LY75: variants seen among roughly 807,000 people sequenced by gnomAD.
LY75 encodes C-type lectin domain family 13 member B.
In LY75, 185 loss-of-function variants were observed where a neutral mutation model predicts 231.7. The ratio of observed to expected loss-of-function variants is 0.80; its 90% CI spans 0.71 to 0.90. LY75 has a LOEUF of 0.90. LY75 is among the 40% of genes least tolerant of loss of function. The pLI is 0.00. For synonymous variants in LY75, 668 were observed against 689.0 expected (o/e 0.97, Z 0.48); for missense variants, 1,947 against 2,050.2 (o/e 0.95, Z 0.97).
intron 33 of LY75, 127 bp from the exon 34 acceptor site, chr2:159,807,267 T>A: frequency 8.7e-7 from 1 of 1,143,230 alleles, no homozygotes; most frequent in African/African-American, 1.6e-5. Flanking sequence ...ATAAAATGCA[T>A]TAAAAATGAA....
In LY75 at chr2:159,817,023, T is replaced by C; in HGVS notation, c.4163A>G (p.Lys1388Arg). 1 of 1,605,012 alleles carries C rather than the reference T, an allele frequency of 6.2e-7. No homozygotes were observed. The highest frequency in any genetic ancestry group is 8.5e-7 in the Non-Finnish European group (1 of 1,175,612). Reference protein sequence around the residue: ...LACKIEMVDYKEEYNTTLPQF... With the variant: ...LACKIEMVDYREEYNTTLPQF... Reference sequence around the variant, plus strand: ...TGGCAGTGTAGTATTATATTCTTCTTTGTAGTCAACTATAATAATTAAAAG... The same window carrying C: ...TGGCAGTGTAGTATTATATTCTTCTCTGTAGTCAACTATAATAATTAAAAG... Residue 1388 changes from lysine to arginine, a missense_variant, in exon 30 of 35, where the codon AAA (lysine) becomes AGA (arginine). Lys to Arg is a conservative substitution (Grantham distance 26). Transcript: ENST00000263636.
Position 159,874,084 on chromosome 2 carries a change from G to GTATATATTTTGTAAAAATATAAACATA in LY75, c.1974+1359_1974+1360insTATGTTTATATTTTTACAAAATATATA, listed in dbSNP as rs1553809698. On this transcript the variant is annotated intron_variant, in intron 12 of 34. Transcript: ENST00000263636. Reference sequence around the variant, plus strand: ...ATATATTTTGTAAAAATATATAAACGTATATATTTTGTAAATATATAAACG... The same window carrying GTATATATTTTGTAAAAATATAAACATA: ...ATATATTTTGTAAAAATATATAAACGTATATATTTTGTAAAAATATAAACATATATATATTTTGTAAATATATAAACG... Among the ~76,000 whole-genome samples the GTATATATTTTGTAAAAATATAAACATA allele has an allele frequency of 1.1e-3, 7 of 6,468 alleles. No homozygotes were observed. In the East Asian group the frequency reaches 0.064, roughly 59 times the overall value. The allele number at this position is 6,468 out of a possible 152,430, so 4.2% of individuals were successfully genotyped here.
At chr2:159,815,622 A>G in intron 30 of LY75, 49 bp from the exon 31 acceptor site, 2 of 1,570,582 alleles carry the variant, frequency 1.3e-6, no homozygotes, top group Non-Finnish European at 1.7e-6. Flanking sequence ...TTTGACTTCA[A>G]AAAGAATACA....
chr2:159,860,721 C>T, intron 15 of LY75, 100 bp downstream of exon 15: 1 of 1,420,792 alleles, frequency 7.0e-7, no homozygotes, highest in Non-Finnish European at 9.8e-7. Flanking sequence ...CATCTAACAT[C>T]ATGCTTCACA....
chr2:159,891,478 C>T (rs1282489725), intron 3 of LY75, among the ~76,000 whole-genome samples: 1 of 152,176 alleles, frequency 6.6e-6, no homozygotes, highest in East Asian at 1.9e-4. Flanking sequence ...CTTGTAAATC[C>T]AGAAGCTTCC....
chr2:159,864,792 A>G, intron 14 of LY75, 47 bp downstream of exon 14: 1 of 1,469,368 alleles, frequency 6.8e-7, no homozygotes, highest in Non-Finnish European at 9.1e-7. Context: ...TGTTATTGAA[A>G]CAAACAGTGT....
In LY75 at chr2:159,898,680, A is replaced by C; in HGVS notation, c.466+8T>G. 2 of 1,607,610 alleles carry C rather than the reference A, an allele frequency of 1.2e-6. No homozygotes were observed. The highest frequency in any genetic ancestry group is 8.5e-7 in the Non-Finnish European group (1 of 1,175,216). The stretch of plus-strand genomic sequence containing the variant: ...GCAAATCGGTCAAAGTCCCTCTCTA[A>C]TACTCACCATGATAAGGCTGGTCAC... On this transcript the variant is annotated splice_region_variant and intron_variant, in intron 2 of 34. Coordinates refer to ENST00000263636, the MANE Select transcript of LY75 (RefSeq NM_002349.4).
At chr2:159,890,509 T>C in intron 3 of LY75, 132 bp from the exon 4 acceptor site, 1 of 1,237,518 alleles carries the variant, frequency 8.1e-7, no homozygotes, top group Non-Finnish European at 1.1e-6. Flanking sequence ...CCATCACTCA[T>C]TTAGACCATA....
intron 14 of LY75, among the ~76,000 whole-genome samples, chr2:159,863,673 T>C (rs1684778388): frequency 6.6e-6 from 1 of 152,186 alleles, no homozygotes; most frequent in African/African-American, 2.4e-5. Flanking sequence ...TTGTTTGAGT[T>C]CCTTATCTAC....
intron 2 of LY75, among the ~76,000 whole-genome samples, chr2:159,897,848 T>C (rs576358406): frequency 4.1e-4 from 62 of 152,320 alleles, no homozygotes; most frequent in African/African-American, 1.4e-3. Context: ...TACTCATTCT[T>C]TAACTTAGAA....
intron 25 of LY75, among the ~76,000 whole-genome samples, chr2:159,838,330 A>C (rs1683897736): frequency 6.6e-6 from 1 of 152,208 alleles, no homozygotes; most frequent in African/African-American, 2.4e-5. Context: ...TAAGGGTGAA[A>C]GGGAAAAGAG....
At chr2:159,822,066 C>A (rs529907103) in intron 28 of LY75, among the ~76,000 whole-genome samples, 1 of 152,350 alleles carries the variant, frequency 6.6e-6, no homozygotes, top group East Asian at 1.9e-4. Context: ...GTGCCTACCC[C>A]ACCAGGGCCC....
At chr2:159,846,559 G>C (rs1684209490) in intron 23 of LY75, among the ~76,000 whole-genome samples, 1 of 151,806 alleles carries the variant, frequency 6.6e-6, no homozygotes, top group Non-Finnish European at 1.5e-5. Flanking sequence ...AACAAAACTA[G>C]AAGAAAATAT....
rs1460968651 is a variant in LY75, at chr2:159,807,698, T to C, written c.4823-558A>G. ...ATTTAGATGGACAACTTGGAATCCT[T>C]TTATTTTTTGACAAGTACTTAACAT... On this transcript the variant is annotated intron_variant, in intron 33 of 34. Coordinates refer to ENST00000263636, the MANE Select transcript of LY75 (RefSeq NM_002349.4). 4 of 975,684 alleles carry C rather than the reference T, an allele frequency of 4.1e-6. No homozygotes were observed. The African/African-American group carries it at 7.0e-5, about 17-fold the overall frequency. The allele number at this position is 975,684 out of a possible 1,614,324, so 60.4% of individuals were successfully genotyped here. A position where few individuals can be genotyped will look rare whatever the true frequency, so the allele number is the denominator to read the frequency against.
chr2:159,851,942 G>T (rs1684412859), intron 21 of LY75, among the ~76,000 whole-genome samples: 1 of 152,198 alleles, frequency 6.6e-6, no homozygotes, highest in Admixed American at 6.5e-5. Flanking sequence ...TCCCTCAACA[G>T]ATCAACTTAA....
At chr2:159,831,420 G>C (rs908933129) in intron 28 of LY75, among the ~76,000 whole-genome samples, 2 of 152,112 alleles carry the variant, frequency 1.3e-5, no homozygotes, top group South Asian at 4.1e-4. Flanking sequence ...ACCCAGGTTC[G>C]GGTAGTTCTT....
intron 28 of LY75, among the ~76,000 whole-genome samples, chr2:159,822,041 AG>A (rs1335974522): frequency 2.0e-5 from 3 of 152,238 alleles, no homozygotes; most frequent in Non-Finnish European, 4.4e-5. Flanking sequence ...CCTGCAAACG[AG>A]GAGATTCCCT....
chr2:159,861,199 C>T (rs565549916), intron 14 of LY75, among the ~76,000 whole-genome samples: 11 of 151,978 alleles, frequency 7.2e-5, no homozygotes, highest in Non-Finnish European at 5.9e-5. Context: ...TGTTGAAATG[C>T]TCATTATTTG....
chr2:159,876,888 A>C (rs1038561668), intron 11 of LY75, among the ~76,000 whole-genome samples: 2 of 151,864 alleles, frequency 1.3e-5, no homozygotes, highest in African/African-American at 4.8e-5. Context: ...AGGTGCCTGT[A>C]ATCCCAGCTA....
Sources: gnomAD v4.1 joint callset for allele counts (sites outside exome capture counted in the v4.1 genomes callset) on GRCh38, gnomAD v4.1.1 for gene constraint, MANE v1.5 for transcripts, NCBI Gene and HGNC (gene_info 2026-07-23, HGNC 2026-07-21) for gene names.